CACHD1: variants seen among roughly 807,000 people sequenced by gnomAD.
The protein encoded by CACHD1 is VWFA and cache domain-containing protein 1.
CACHD1 carries 71 observed loss-of-function variants against 138.7 expected under a neutral mutation model. That is an observed-to-expected ratio of 0.51 (90% confidence interval 0.42 to 0.62). The LOEUF is 0.62. CACHD1 is among the 20% of genes least tolerant of loss of function. The probability of loss-of-function intolerance (pLI) is 0.00; values close to 1 mark genes in which losing one functional copy is unlikely to be tolerated. For missense variants in CACHD1, 1,389 were observed against 1,625.3 expected (o/e 0.85, Z 2.50); for synonymous variants, 578 against 591.5 (o/e 0.98, Z 0.33).
chr1:64,636,131 T>G (rs1165885108), intron 7 of CACHD1, among the ~76,000 whole-genome samples: 3 of 151,948 alleles, frequency 2.0e-5, no homozygotes, highest in African/African-American at 4.8e-5. Context: ...AAAATCTGTT[T>G]ATAGTTTTTT....
Position 64,574,802 on chromosome 1 carries a change from C to A in CACHD1, c.262-7354C>A, listed in dbSNP as rs552762240. ...ATTAAGTTGAGGCTTAGAAAAATAACTTGCCTCGTCTCCTTCAGCTAGTAA... is the reference window on the plus strand; with the variant it reads ...ATTAAGTTGAGGCTTAGAAAAATAAATTGCCTCGTCTCCTTCAGCTAGTAA... On this transcript the variant is annotated intron_variant, in intron 2 of 26. Coordinates refer to ENST00000651257, the MANE Select transcript of CACHD1 (RefSeq NM_020925.4). Among the ~76,000 whole-genome samples the A allele has an allele frequency of 2.0e-5, 3 of 152,278 alleles. No individual in the cohort carries two copies. The East Asian group carries it at 5.8e-4, about 29-fold the overall frequency.
chr1:64,513,393 AG>A (rs1228083976), intron 1 of CACHD1, among the ~76,000 whole-genome samples: 3 of 152,234 alleles, frequency 2.0e-5, no homozygotes, highest in African/African-American at 7.2e-5. Flanking sequence ...GGCTGCTGTA[AG>A]CCATAGAGCT....
chr1:64,669,754 G>T (rs761935178), intron 16 of CACHD1, among the ~76,000 whole-genome samples: 21 of 151,986 alleles, frequency 1.4e-4, no homozygotes, highest in Non-Finnish European at 2.9e-4. Context: ...CATCTGAAAT[G>T]CAGGTGAAAA....
intron 1 of CACHD1, among the ~76,000 whole-genome samples, chr1:64,527,468 T>A (rs1411321982): frequency 6.6e-6 from 1 of 152,198 alleles, no homozygotes; most frequent in Admixed American, 6.5e-5. Flanking sequence ...GCGGTAACAG[T>A]GTGGACACGC....
At chr1:64,683,651 C>T (rs1393488804) in intron 26 of CACHD1, among the ~76,000 whole-genome samples, 4 of 152,190 alleles carry the variant, frequency 2.6e-5, no homozygotes, top group Non-Finnish European at 5.9e-5. Context: ...CAGCTAAGGG[C>T]TTGGTTCCTT....
intron 1 of CACHD1, among the ~76,000 whole-genome samples, chr1:64,539,770 A>G (rs867352490): frequency 1.4e-4 from 22 of 152,222 alleles, no homozygotes; most frequent in African/African-American, 5.3e-4. Flanking sequence ...ACTAAGCGCC[A>G]GACCCTCTTA....
intron 10 of CACHD1, 108 bp downstream of exon 10, chr1:64,652,418 A>G (rs1649127609): frequency 1.0e-6 from 1 of 997,290 alleles, no homozygotes. Context: ...AAAGAAGAGC[A>G]TTGTGACTAA....
rs373901905 is a variant in CACHD1 at position 64,680,318 on chromosome 1, G to A, written c.3406+562G>A. Among the ~76,000 whole-genome samples the A allele has an allele frequency of 6.6e-5, 10 of 152,072 alleles. No individual in the cohort carries two copies. The South Asian group carries it at 1.5e-3, about 22-fold the overall frequency. ...AGCCTGGCCAACATGGTGAAACCCC[G>A]CCTCTACTAAAAATACAAAAACTAG... On this transcript the variant is annotated intron_variant, in intron 24 of 26. Coordinates refer to ENST00000651257, the MANE Select transcript of CACHD1 (RefSeq NM_020925.4).
chr1:64,498,646 T>C (rs1042789151), intron 1 of CACHD1, among the ~76,000 whole-genome samples: 5 of 152,216 alleles, frequency 3.3e-5, no homozygotes, highest in African/African-American at 9.6e-5. Flanking sequence ...TGAAAAAAGA[T>C]TGAGTCTCAA....
chr1:64,645,835 G>A (rs1236300825), intron 8 of CACHD1, among the ~76,000 whole-genome samples: 1 of 152,160 alleles, frequency 6.6e-6, no homozygotes, highest in Non-Finnish European at 1.5e-5. Flanking sequence ...GGAGCATTCT[G>A]GCCCCTCAGT....
chr1:64,595,156 G>T (rs147493844), intron 3 of CACHD1, among the ~76,000 whole-genome samples: 1 of 152,270 alleles, frequency 6.6e-6, no homozygotes, highest in Non-Finnish European at 1.5e-5. Context: ...AGTTGTTAGT[G>T]CCTCTCTTTT....
At chr1:64,560,001 A>G (rs910452553) in intron 2 of CACHD1, among the ~76,000 whole-genome samples, 1 of 152,168 alleles carries the variant, frequency 6.6e-6, no homozygotes, top group Non-Finnish European at 1.5e-5. Context: ...GGTGTTTGTA[A>G]TAATCTGTAT....
intron 8 of CACHD1, among the ~76,000 whole-genome samples, chr1:64,643,378 A>G (rs1190463945): frequency 6.6e-6 from 1 of 152,232 alleles, no homozygotes; most frequent in Non-Finnish European, 1.5e-5. Flanking sequence ...GCTGCTGTCC[A>G]CATTTGCTAG....
At chr1:64,589,364 C>T (rs1647078787) in intron 3 of CACHD1, among the ~76,000 whole-genome samples, 1 of 152,032 alleles carries the variant, frequency 6.6e-6, no homozygotes, top group South Asian at 2.1e-4. Flanking sequence ...AAGCAATTAG[C>T]ATTAGGTTTT....
chr1:64,692,094 G>A lies in CACHD1; in HGVS notation c.*533G>A, dbSNP rs1212220954. 1 of 154,314 alleles carries A rather than the reference G, an allele frequency of 6.5e-6. No individual in the cohort carries two copies. Among genetic ancestry groups the A allele is most frequent in the African/African-American group, 2.4e-5 (1 of 41,460 alleles). The allele number at this position is 154,314 out of a possible 1,614,324, so 9.6% of individuals were successfully genotyped here. A position where few individuals can be genotyped will look rare whatever the true frequency, so the allele number is the denominator to read the frequency against. ...TGCATCTCAGAATTTCTAAGTAAAG[G>A]ATTATTTTTCTACTATTTATTGAAC... On this transcript the variant is annotated 3_prime_UTR_variant, in exon 27 of 27. Coordinates refer to ENST00000651257, the MANE Select transcript of CACHD1 (RefSeq NM_020925.4).
intron 2 of CACHD1, among the ~76,000 whole-genome samples, chr1:64,564,850 A>G (rs372888917): frequency 1.5e-4 from 23 of 152,106 alleles, no homozygotes; most frequent in African/African-American, 5.6e-4. Flanking sequence ...TCTACTCCCA[A>G]ACACTTTCCA....
At chr1:64,515,732 A>T (rs569480225) in intron 1 of CACHD1, among the ~76,000 whole-genome samples, 1 of 152,290 alleles carries the variant, frequency 6.6e-6, no homozygotes, top group African/African-American at 2.4e-5. Flanking sequence ...AAGGCCTGTT[A>T]TCTGACACTA....
At chr1:64,652,103 G>A in intron 9 of CACHD1, 58 bp from the exon 10 acceptor site, 2 of 1,461,350 alleles carry the variant, frequency 1.4e-6, no homozygotes, top group Admixed American at 4.2e-5. Flanking sequence ...CACAGTTCCA[G>A]TCTTTGTCCA....
At chr1:64,572,951 C>T (rs1018121193) in intron 2 of CACHD1, among the ~76,000 whole-genome samples, 1 of 152,170 alleles carries the variant, frequency 6.6e-6, no homozygotes, top group African/African-American at 2.4e-5. Flanking sequence ...TGTCCTGTAT[C>T]GTTTCCTGCC....
Sources: allele counts gnomAD v4.1 joint callset (sites outside exome capture counted in the v4.1 genomes callset), GRCh38; gene constraint gnomAD v4.1.1; transcripts MANE v1.5; gene names NCBI Gene and HGNC (gene_info 2026-07-23, HGNC 2026-07-21).